The following GRIP1 variants were observed in gnomAD, a reference collection of about 807,000 sequenced individuals.
GRIP1 encodes the protein glutamate receptor-interacting protein 1.
Under a neutral mutation model 129.9 loss-of-function variants are expected in GRIP1, and 45 were observed. The observed-to-expected ratio is 0.35, with a 90% CI of 0.27 to 0.44. GRIP1 has a LOEUF of 0.44. Ranked by LOEUF, GRIP1 falls within the 20% of genes least tolerant of loss-of-function variation. GRIP1 has a pLI of 1.00. For synonymous variants in GRIP1, 530 were observed against 520.8 expected (o/e 1.02, Z -0.24); for missense variants, 1,196 against 1,396.8 (o/e 0.86, Z 2.29).
intron 1 of GRIP1, among the ~76,000 whole-genome samples, chr12:66,691,733 A>C (rs1018228855): frequency 6.6e-6 from 1 of 152,154 alleles, no homozygotes; most frequent in African/African-American, 2.4e-5. Flanking sequence ...AATGACATTA[A>C]AATTAGTCCC....
intron 15 of GRIP1, among the ~76,000 whole-genome samples, chr12:66,411,512 C>A (rs2057401985): frequency 6.6e-6 from 1 of 152,298 alleles, no homozygotes; most frequent in African/African-American, 2.4e-5. Flanking sequence ...GATAAGTTCA[C>A]AAAGATGAGA....
intron 5 of GRIP1, among the ~76,000 whole-genome samples, chr12:66,528,359 G>T (rs748104491): frequency 1.3e-5 from 2 of 151,988 alleles, no homozygotes; most frequent in Non-Finnish European, 2.9e-5. Context: ...GGATGGTCTC[G>T]ATCTCCTGAC....
intron 1 of GRIP1, among the ~76,000 whole-genome samples, chr12:66,860,494 T>A (rs2040093113): frequency 6.6e-6 from 1 of 152,062 alleles, no homozygotes; most frequent in Admixed American, 6.6e-5. Flanking sequence ...CCTCTTCACA[T>A]TTGAAAGGAA....
At chr12:66,451,330 G>A (rs1296541248) in intron 11 of GRIP1, among the ~76,000 whole-genome samples, 5 of 134,686 alleles carry the variant, frequency 3.7e-5, no homozygotes, top group Non-Finnish European at 7.7e-5. Flanking sequence ...GCTATGAGAA[G>A]CATTTAAAAA....
intron 7 of GRIP1, among the ~76,000 whole-genome samples, chr12:66,480,814 G>A (rs1302513405): frequency 6.6e-6 from 1 of 152,138 alleles, no homozygotes; most frequent in Non-Finnish European, 1.5e-5. Flanking sequence ...AATGGGGAAA[G>A]TATTCCCTAT....
intron 1 of GRIP1, among the ~76,000 whole-genome samples, chr12:66,945,615 G>C (rs2041656171): frequency 6.6e-6 from 1 of 152,148 alleles, no homozygotes; most frequent in Non-Finnish European, 1.5e-5. Context: ...CATCTTGTGA[G>C]AACTCACCTA....
chr12:66,387,433 G>A (rs1565688726), intron 19 of GRIP1, among the ~76,000 whole-genome samples: 1 of 152,170 alleles, frequency 6.6e-6, no homozygotes, highest in East Asian at 1.9e-4. Flanking sequence ...TGGTACCTTG[G>A]AAACAGAGCC....
chr12:66,787,392 G>A (rs553062171), intron 1 of GRIP1, among the ~76,000 whole-genome samples: 16 of 152,228 alleles, frequency 1.1e-4, no homozygotes, highest in African/African-American at 3.4e-4. Context: ...TCCCATTTCT[G>A]CCATCAAAAG....
chr12:67,060,458 C>T (rs1032902251), intron 1 of GRIP1, among the ~76,000 whole-genome samples: 9 of 151,986 alleles, frequency 5.9e-5, no homozygotes, highest in African/African-American at 1.9e-4. Context: ...TGTGGTTGTA[C>T]GAGAGCTATA....
intron 2 of GRIP1, among the ~76,000 whole-genome samples, chr12:66,552,259 T>A (rs1488315166): frequency 6.6e-6 from 1 of 152,122 alleles, no homozygotes; most frequent in African/African-American, 2.4e-5. Flanking sequence ...CAGGGCAAAG[T>A]AGAACTTAGA....
intron 1 of GRIP1, among the ~76,000 whole-genome samples, chr12:66,876,433 T>C (rs1409762183): frequency 6.6e-6 from 1 of 152,046 alleles, no homozygotes; most frequent in Non-Finnish European, 1.5e-5. Context: ...AAAGGTTAAC[T>C]AGCACACATT....
At chr12:66,883,681 T>C (rs2040517563) in intron 1 of GRIP1, among the ~76,000 whole-genome samples, 1 of 152,154 alleles carries the variant, frequency 6.6e-6, no homozygotes, top group African/African-American at 2.4e-5. Context: ...GTTTGCATAG[T>C]AAAGCCCTGA....
chr12:66,498,045 A>G (rs959155714), intron 7 of GRIP1, among the ~76,000 whole-genome samples: 7 of 152,124 alleles, frequency 4.6e-5, no homozygotes, highest in Non-Finnish European at 8.8e-5. Context: ...TGCCCGCCAG[A>G]GAACAAACCC....
intron 1 of GRIP1, among the ~76,000 whole-genome samples, chr12:66,860,325 G>A (rs1759123781): frequency 6.6e-6 from 1 of 152,052 alleles, no homozygotes; most frequent in South Asian, 2.1e-4. Context: ...ATCTCTTAGA[G>A]TTGTTACAAA....
chr12:66,643,129 A>G (rs1233378992), intron 1 of GRIP1, among the ~76,000 whole-genome samples: 1 of 152,326 alleles, frequency 6.6e-6, no homozygotes, highest in African/African-American at 2.4e-5. Context: ...ATTATGGGGA[A>G]ATAAGGACCC....
intron 4 of GRIP1, among the ~76,000 whole-genome samples, 189 bp downstream of exon 4, chr12:66,538,889 C>A (rs977821117): frequency 2.6e-5 from 4 of 152,148 alleles, no homozygotes; most frequent in African/African-American, 9.7e-5. Context: ...AGACGTGAGC[C>A]ACCGCGCCCA....
upstream of GRIP1, among the ~76,000 whole-genome samples, chr12:66,682,672 C>T (rs115291243): frequency 9.5e-3 from 1,441 of 152,132 alleles, 28 homozygotes; most frequent in African/African-American, 0.033. Flanking sequence ...AAATAAATAG[C>T]GCTGTTTGGA....
intron 15 of GRIP1, among the ~76,000 whole-genome samples, chr12:66,410,461 G>A (rs367737191): frequency 5.7e-4 from 72 of 127,160 alleles, no homozygotes; most frequent in African/African-American, 1.8e-3. Context: ...GTGAAAGCCC[G>A]TCTCTACTAA....
At chr12:66,523,324 T>G (rs1349935738) in intron 5 of GRIP1, among the ~76,000 whole-genome samples, 5 of 147,794 alleles carry the variant, frequency 3.4e-5, no homozygotes, top group South Asian at 2.2e-4. Context: ...GATTAACAGC[T>G]GATCTCTTGG....
Sources: gnomAD v4.1 joint callset for allele counts (sites outside exome capture counted in the v4.1 genomes callset) on GRCh38, gnomAD v4.1.1 for gene constraint, MANE v1.5 for transcripts, NCBI Gene and HGNC (gene_info 2026-07-23, HGNC 2026-07-21) for gene names.